STK32A: variants seen among roughly 807,000 people sequenced by gnomAD.
STK32A encodes the protein serine/threonine-protein kinase 32A.
A neutral mutation model predicts 53.2 loss-of-function variants in STK32A; 41 were observed. That is an observed-to-expected ratio of 0.77 (90% CI 0.60 to 1.00). The LOEUF (loss-of-function observed/expected upper bound fraction) is 1.00, where lower values mean the gene tolerates loss of function less well. Among genes scored for constraint, STK32A ranks in the 50% least tolerant of loss-of-function variants. STK32A has a pLI of 0.00. For synonymous variants in STK32A, 166 were observed against 162.8 expected, an observed-to-expected ratio of 1.02 and a Z score of -0.15; for missense variants, 458 against 485.8, an observed-to-expected ratio of 0.94 and a Z score of 0.54.
chr5:147,366,875 CTT>C (rs71798889), intron 8 of STK32A, among the ~76,000 whole-genome samples: 55 of 147,148 alleles, frequency 3.7e-4, no homozygotes, highest in Admixed American at 7.5e-4. Context: ...CTTGTTGAGC[CTT>C]TTTTTTTTTC....
At chr5:147,360,462 A>G (rs1446242119) in intron 7 of STK32A, among the ~76,000 whole-genome samples, 1 of 144,566 alleles carries the variant, frequency 6.9e-6, no homozygotes, top group Non-Finnish European at 1.5e-5. Context: ...AAAAAAAAAA[A>G]AAAAAGAAAA....
chr5:147,272,413 A>G (rs1024109251), intron 2 of STK32A, among the ~76,000 whole-genome samples: 7 of 152,352 alleles, frequency 4.6e-5, no homozygotes, highest in Middle Eastern at 6.8e-3. Flanking sequence ...AAATCCATCA[A>G]TAAGTTAAAT....
chr5:147,374,018 G>C (rs905056169), intron 10 of STK32A, among the ~76,000 whole-genome samples: 24 of 152,134 alleles, frequency 1.6e-4, no homozygotes, highest in Non-Finnish European at 3.2e-4. Flanking sequence ...TGTTTTGGCT[G>C]TCATGGCAGC....
intron 6 of STK32A, among the ~76,000 whole-genome samples, chr5:147,345,933 T>C (rs955741079): frequency 3.3e-5 from 5 of 152,214 alleles, no homozygotes; most frequent in African/African-American, 1.2e-4. Flanking sequence ...TGTATATGAA[T>C]GGTACAGAAG....
intron 4 of STK32A, among the ~76,000 whole-genome samples, chr5:147,283,616 C>A (rs1895562): frequency 0.65 from 98,473 of 151,546 alleles, 32,319 homozygotes; most frequent in Admixed American, 0.75. Context: ...AGAGATATTA[C>A]AACTGACACC....
At chr5:147,284,367 C>G (rs189960738) in intron 4 of STK32A, among the ~76,000 whole-genome samples, 26 of 152,100 alleles carry the variant, frequency 1.7e-4, no homozygotes, top group Non-Finnish European at 2.2e-4. Flanking sequence ...TATGCCCACT[C>G]TCACTGCTCC....
At chr5:147,375,600 A>C in intron 11 of STK32A, 1 of 163,408 alleles carries the variant, frequency 6.1e-6, no homozygotes, top group East Asian at 1.8e-4. Context: ...TTTGGACCTC[A>C]CTCCTGCTTT....
intron 11 of STK32A, among the ~76,000 whole-genome samples, chr5:147,380,761 A>T (rs1339668456): frequency 6.6e-6 from 1 of 152,262 alleles, no homozygotes; most frequent in East Asian, 1.9e-4. Flanking sequence ...ATACTTAATC[A>T]ACTCCAGTAC....
At chr5:147,401,476 A>G in the STK32A span, 2 of 1,518,066 alleles carry the variant, frequency 1.3e-6, no homozygotes, top group South Asian at 1.3e-5. Context: ...CCTGTCCTCA[A>G]CCCCCAGCTG....
At chr5:147,297,969 ACT>A (rs1752944426) in intron 4 of STK32A, among the ~76,000 whole-genome samples, 2 of 108,672 alleles carry the variant, frequency 1.8e-5, no homozygotes, top group African/African-American at 7.9e-5. Flanking sequence ...ACAGAGCAAG[ACT>A]CTGTCTCAAA....
rs946050564 is a variant in STK32A, at chr5:147,376,804, G to A, written c.1032+1586G>A. Among the ~76,000 whole-genome samples the A allele has an allele frequency of 1.2e-4, 18 of 152,132 alleles. No homozygotes were observed. The East Asian group carries it at 2.1e-3, about 18-fold the overall frequency. On this transcript the variant is annotated intron_variant, in intron 11 of 12. Transcript: ENST00000397936. Reference sequence around the variant, plus strand: ...TTCTTTATACCTTAAATATCACCTTGTCATTTCTGTTGTTGAATTATAGGA... The same window carrying A: ...TTCTTTATACCTTAAATATCACCTTATCATTTCTGTTGTTGAATTATAGGA...
intron 4 of STK32A, among the ~76,000 whole-genome samples, chr5:147,298,749 A>G (rs1052269424): frequency 3.3e-5 from 5 of 152,258 alleles, no homozygotes; most frequent in African/African-American, 1.2e-4. Flanking sequence ...AATGAATAAG[A>G]CAAAGAAAAC....
chr5:147,345,123 T>C (rs533114740), intron 6 of STK32A, among the ~76,000 whole-genome samples: 10 of 152,342 alleles, frequency 6.6e-5, no homozygotes, highest in African/African-American at 2.4e-4. Context: ...TGGAGCCAGA[T>C]TGCCTTCATT....
chr5:147,388,131 C>T (rs148819282), downstream of STK32A, among the ~76,000 whole-genome samples: 2 of 152,210 alleles, frequency 1.3e-5, 1 homozygote, highest in South Asian at 4.1e-4. Flanking sequence ...ATTCCAGTTT[C>T]TGCCTTTCAC....
chr5:147,327,206 T>TG (rs1754641295), intron 5 of STK32A, among the ~76,000 whole-genome samples: 1 of 152,198 alleles, frequency 6.6e-6, no homozygotes, highest in Non-Finnish European at 1.5e-5. Flanking sequence ...TAAGAACTCC[T>TG]GGGCCAGAGA....
At chr5:147,320,929 C>G (rs561220710) in intron 4 of STK32A, among the ~76,000 whole-genome samples, 44 of 152,064 alleles carry the variant, frequency 2.9e-4, no homozygotes, top group Admixed American at 1.4e-3. Context: ...TTATTTTGAG[C>G]CTGGATGACA....
At chr5:147,290,610 T>C (rs1307178480) in intron 4 of STK32A, among the ~76,000 whole-genome samples, 1 of 152,178 alleles carries the variant, frequency 6.6e-6, no homozygotes, top group Non-Finnish European at 1.5e-5. Flanking sequence ...TCTTTACTCA[T>C]GTCTTTGTCC....
intron 2 of STK32A, among the ~76,000 whole-genome samples, chr5:147,245,409 C>A (rs1258277768): frequency 6.6e-6 from 1 of 152,104 alleles, no homozygotes; most frequent in Non-Finnish European, 1.5e-5. Flanking sequence ...ATGCTTACAA[C>A]CTTTTTTAAA....
intron 7 of STK32A, among the ~76,000 whole-genome samples, chr5:147,360,495 GA>G (rs1044254695): frequency 4.6e-5 from 6 of 131,846 alleles, no homozygotes; most frequent in Admixed American, 3.0e-4. Flanking sequence ...AAGAAAGAAA[GA>G]AAAAAAAGGA....
Sources: gnomAD v4.1 joint callset for allele counts (sites outside exome capture counted in the v4.1 genomes callset) on GRCh38, gnomAD v4.1.1 for gene constraint, MANE v1.5 for transcripts, NCBI Gene and HGNC (gene_info 2026-07-23, HGNC 2026-07-21) for gene names.